Variants in RAB37 observed in about 807,000 individuals in gnomAD.
The protein encoded by RAB37 is ras-related protein Rab-37.
Under a neutral mutation model 33.1 loss-of-function variants are expected in RAB37, and 29 were observed. That is an observed-to-expected ratio of 0.88 (90% confidence interval 0.65 to 1.20). The LOEUF (loss-of-function observed/expected upper bound fraction) is 1.20, where lower values mean the gene tolerates loss of function less well. Among genes scored for constraint, RAB37 ranks in the 50% most tolerant of loss-of-function variants. The pLI is 0.00. For synonymous variants in RAB37, 128 were observed against 119.5 expected, an observed-to-expected ratio of 1.07 and a Z score of -0.47; for missense variants, 299 against 301.1, an observed-to-expected ratio of 0.99 and a Z score of 0.05.
Position 74,730,396 on chromosome 17 carries a change from A to G in RAB37, c.183+1030A>G, listed in dbSNP as rs534902233. On this transcript the variant is annotated intron_variant, in intron 2 of 7. Coordinates refer to the RAB37 transcript ENST00000340415. This position sits in a 1 kb window ranked among gnomAD's most constrained non-coding sequence, Gnocchi z 4.4. ...TGGGCTTGCCCACTGGGTCACAGCC[A>G]GGAAGGCAGGGGTTCAGAATGAACA... is the stretch of plus-strand genomic sequence containing the variant. 2.0e-5 allele frequency among the ~76,000 whole-genome samples: 3 copies of G among 152,318 alleles called. No homozygotes were observed. In the East Asian group the frequency reaches 5.8e-4, roughly 29 times the overall value.
chr17:74,736,875 CG>C, upstream of RAB37: 1 of 1,501,300 alleles, frequency 6.7e-7, no homozygotes, highest in South Asian at 1.2e-5. Flanking sequence ...GGACAGCCCA[CG>C]GCCCGGGGCT....
At chr17:74,698,704 T>C in intron 1 of RAB37, 1 of 1,143,272 alleles carries the variant, frequency 8.7e-7, no homozygotes, top group Non-Finnish European at 1.2e-6. Flanking sequence ...AGGGCCTACT[T>C]GAGGATGGAG....
intron 1 of RAB37, chr17:74,695,351 G>A (rs2032338152): frequency 2.8e-6 from 4 of 1,430,532 alleles, no homozygotes; most frequent in Non-Finnish European, 2.9e-6. Context: ...GGACCATTCA[G>A]GGCTTCTAAT....
At chr17:74,739,540 T>TG (rs2034557596) in intron 1 of RAB37, among the ~76,000 whole-genome samples, 1 of 148,550 alleles carries the variant, frequency 6.7e-6, no homozygotes, top group Non-Finnish European at 1.5e-5. Flanking sequence ...TTTTTTTTTT[T>TG]TTTTTTTGAG....
intron 1 of RAB37, among the ~76,000 whole-genome samples, chr17:74,693,071 G>A (rs1298551602): frequency 6.6e-6 from 1 of 152,210 alleles, no homozygotes; most frequent in Non-Finnish European, 1.5e-5. Context: ...AAATAAAGCG[G>A]AGCAACAAGA....
At chr17:74,726,914 C>G (rs1387069006) in intron 1 of RAB37, among the ~76,000 whole-genome samples, 1 of 152,252 alleles carries the variant, frequency 6.6e-6, no homozygotes, top group South Asian at 2.1e-4. Context: ...AGGCCACTGT[C>G]CACTTTACAC....
At chr17:74,735,928 G>A (rs1425316106), upstream of RAB37, among the ~76,000 whole-genome samples, 1 of 152,090 alleles carries the variant, frequency 6.6e-6, no homozygotes, top group Non-Finnish European at 1.5e-5. Flanking sequence ...ATTGCAGGCC[G>A]GGCGCAGTGG....
intron 1 of RAB37, among the ~76,000 whole-genome samples, chr17:74,684,626 A>G (rs2032018160): frequency 6.6e-6 from 1 of 152,018 alleles, no homozygotes; most frequent in South Asian, 2.1e-4. Context: ...TGTCTCTACT[A>G]AAAATACAAA....
intron 1 of RAB37, chr17:74,705,156 G>A: frequency 1.4e-6 from 1 of 691,238 alleles, no homozygotes; most frequent in Non-Finnish European, 2.7e-6. Context: ...TGTTAGTCCA[G>A]TGTGGTGGGG....
chr17:74,675,081 T>G (rs1424127210), intron 1 of RAB37, among the ~76,000 whole-genome samples: 1 of 152,216 alleles, frequency 6.6e-6, no homozygotes, highest in East Asian at 1.9e-4. Context: ...TTATTATTTT[T>G]GAGCAAGGAT....
chr17:74,705,553 CAGTA>C (rs1179664147), intron 1 of RAB37, among the ~76,000 whole-genome samples: 4 of 152,152 alleles, frequency 2.6e-5, no homozygotes, highest in Non-Finnish European at 4.4e-5. Flanking sequence ...GTATTATAGA[CAGTA>C]AGGCAGTATT....
chr17:74,726,283 C>T (rs1471535878), intron 1 of RAB37, among the ~76,000 whole-genome samples: 1 of 151,474 alleles, frequency 6.6e-6, no homozygotes, highest in Non-Finnish European at 1.5e-5. Context: ...ATCATCCTGC[C>T]CCACCCCGAG....
intron 1 of RAB37, among the ~76,000 whole-genome samples, chr17:74,700,583 A>T (rs948092645): frequency 3.9e-5 from 6 of 152,068 alleles, no homozygotes; most frequent in Admixed American, 1.3e-4. Flanking sequence ...TCTACTAAAA[A>T]TACAAAATAA....
intron 1 of RAB37, among the ~76,000 whole-genome samples, chr17:74,727,997 G>A (rs974566849): frequency 2.0e-5 from 3 of 151,960 alleles, no homozygotes; most frequent in East Asian, 1.9e-4. Flanking sequence ...CTGTGTGAAT[G>A]TGCATATGTA....
In RAB37 at chr17:74,745,953, G is replaced by A. The variant is rs1167132718; in HGVS notation, c.*542G>A. 6.5e-6 allele frequency: 1 copy of A among 153,888 alleles called. No homozygotes were observed. Among genetic ancestry groups the A allele is most frequent in the African/African-American group, 2.4e-5 (1 of 41,454 alleles). 9.5% of individuals were successfully genotyped at this position (153,888 alleles called of 1,614,324 possible). The stretch of plus-strand genomic sequence containing the variant: ...TGCTGTGAGGAAGACCAAAGCCTCA[G>A]GGAAGATAAGAGATATGGAGATGGG... On this transcript the variant is annotated 3_prime_UTR_variant, in exon 9 of 9. Coordinates refer to ENST00000392613, the MANE Select transcript of RAB37 (RefSeq NM_001006638.3). This position sits in a 1 kb window ranked among gnomAD's most constrained non-coding sequence, Gnocchi z 4.5.
chr17:74,700,291 C>T (rs1337274658), intron 1 of RAB37, among the ~76,000 whole-genome samples: 4 of 152,174 alleles, frequency 2.6e-5, no homozygotes, highest in African/African-American at 4.8e-5. Flanking sequence ...CGACTCACCC[C>T]TGCCTGCTTC....
intron 1 of RAB37, among the ~76,000 whole-genome samples, chr17:74,700,160 TAAATAAATAAAC>T (rs1233592418): frequency 1.3e-5 from 2 of 149,408 alleles, no homozygotes; most frequent in South Asian, 2.1e-4. Context: ...AATAAATAAA[TAAATAAATAAAC>T]AAACAAACAA....
At chr17:74,699,255 A>G (rs2032811800) in intron 1 of RAB37, among the ~76,000 whole-genome samples, 1 of 152,164 alleles carries the variant, frequency 6.6e-6, no homozygotes, top group African/African-American at 2.4e-5. Context: ...AAAGGGTTCC[A>G]TGAGGTGGTT....
In RAB37 at chr17:74,676,673, C is replaced by T. The variant is rs902061945; in HGVS notation, c.72+5015C>T. On this transcript the variant is annotated intron_variant, in intron 1 of 7. Transcript: ENST00000340415. The surrounding 1 kb of genome is among the most constrained non-coding windows in gnomAD (Gnocchi z 4.1). ...GGCTGGTCATTGTCGAGAATATAGA[C>T]GCAAATGATTCCCACCTTCACTAAG... Among the ~76,000 whole-genome samples, 12 of 152,152 alleles carry T rather than the reference C, an allele frequency of 7.9e-5. No individual in the cohort carries two copies. Among genetic ancestry groups the T allele is most frequent in the African/African-American group, 2.2e-4 (9 of 41,416 alleles).
Sources: allele counts gnomAD v4.1 joint callset (sites outside exome capture counted in the v4.1 genomes callset), GRCh38; gene constraint gnomAD v4.1.1; non-coding constraint Gnocchi (gnomAD v3.1); transcripts MANE v1.5; gene names NCBI Gene and HGNC (gene_info 2026-07-23, HGNC 2026-07-21).